CALN1: variants seen among roughly 807,000 people sequenced by gnomAD.
CALN1 encodes calcium-binding protein 8.
CALN1 carries 17 observed loss-of-function variants against 30.6 expected under a neutral mutation model. The observed-to-expected ratio is 0.56, with a 90% CI of 0.38 to 0.83. CALN1 has a LOEUF of 0.83. Among genes scored for constraint, CALN1 ranks in the 40% least tolerant of loss-of-function variants. The probability of loss-of-function intolerance (pLI) is 0.00; values close to 1 mark genes in which losing one functional copy is unlikely to be tolerated. For synonymous variants in CALN1, 156 were observed against 131.4 expected, an observed-to-expected ratio of 1.19 and a Z score of -1.28; for missense variants, 291 against 354.9, an observed-to-expected ratio of 0.82 and a Z score of 1.45.
chr7:72,200,876 T>C (rs1791370710), intron 3 of CALN1, among the ~76,000 whole-genome samples: 1 of 152,188 alleles, frequency 6.6e-6, no homozygotes, highest in Admixed American at 6.5e-5. Flanking sequence ...ACTTGGAGAT[T>C]TCTCAAAGAG....
chr7:72,398,319 G>A (rs185232073), intron 2 of CALN1, among the ~76,000 whole-genome samples: 1 of 152,326 alleles, frequency 6.6e-6, no homozygotes, highest in East Asian at 1.9e-4. Flanking sequence ...GGGAAAACTA[G>A]AGAGAAAAGT....
chr7:71,822,321 T>C (rs1351704358), intron 5 of CALN1, among the ~76,000 whole-genome samples: 2 of 152,178 alleles, frequency 1.3e-5, no homozygotes, highest in Admixed American at 1.3e-4. Flanking sequence ...TGATCTTGGC[T>C]CACTGCAACC....
intron 5 of CALN1, among the ~76,000 whole-genome samples, chr7:71,906,845 G>A (rs915845080): frequency 2.0e-5 from 3 of 152,204 alleles, no homozygotes; most frequent in Non-Finnish European, 4.4e-5. Flanking sequence ...TTTTGCAGTT[G>A]GGTTGCCCAG....
At chr7:71,806,306 C>CTTTTT (rs774646277) in intron 6 of CALN1, among the ~76,000 whole-genome samples, 1 of 136,708 alleles carries the variant, frequency 7.3e-6, no homozygotes, top group African/African-American at 2.8e-5. Flanking sequence ...TTTCCCCCTC[C>CTTTTT]TTTTTTTTTT....
intron 1 of CALN1, among the ~76,000 whole-genome samples, chr7:72,430,861 G>A (rs1159722754): frequency 6.6e-6 from 1 of 151,990 alleles, no homozygotes; most frequent in Non-Finnish European, 1.5e-5. Context: ...AGCAGCCCAA[G>A]GCAACTGCCC....
In CALN1 at chr7:72,280,109, G is replaced by A. The variant is rs572241700; in HGVS notation, c.120-1299C>T. On this transcript the variant is annotated intron_variant, in intron 2 of 6. Coordinates refer to ENST00000395275, the MANE Select transcript of CALN1 (RefSeq NM_031468.4). ...AGCTAAGTGCCAGACATTTCCACCC[G>A]GATGTCAAACCCTCATTTCAAACTC... 2.2e-4 allele frequency among the ~76,000 whole-genome samples: 33 copies of A among 152,230 alleles called. No individual in the cohort carries two copies. In the East Asian group the frequency reaches 5.4e-3, roughly 25 times the overall value.
At chr7:71,814,191 C>G (rs572312232) in intron 5 of CALN1, among the ~76,000 whole-genome samples, 1 of 152,278 alleles carries the variant, frequency 6.6e-6, no homozygotes, top group South Asian at 2.1e-4. Context: ...CAGAACTGCT[C>G]TGAGCCTCTG....
chr7:72,119,291 G>A (rs1411164613), intron 3 of CALN1, among the ~76,000 whole-genome samples: 2 of 151,878 alleles, frequency 1.3e-5, no homozygotes, highest in Non-Finnish European at 2.9e-5. Context: ...TTACATGGTG[G>A]CAGAAAAGAG....
intron 2 of CALN1, among the ~76,000 whole-genome samples, chr7:72,401,519 CAGA>C (rs529879097): frequency 2.8e-4 from 42 of 152,252 alleles, no homozygotes; most frequent in African/African-American, 9.9e-4. Flanking sequence ...TGCAACAAGC[CAGA>C]AGGTGTAGAG....
chr7:72,041,575 C>T (rs1027418121), intron 4 of CALN1, among the ~76,000 whole-genome samples: 2 of 151,800 alleles, frequency 1.3e-5, no homozygotes, highest in African/African-American at 4.8e-5. Context: ...GTAGAGACAG[C>T]GTTTCATCAT....
the CALN1 span, among the ~76,000 whole-genome samples, chr7:72,481,098 G>A: frequency 1.1e-4 from 17 of 152,196 alleles, no homozygotes; most frequent in African/African-American, 3.9e-4. Context: ...AATTACAGGC[G>A]CAGGCCACCA....
intron 3 of CALN1, among the ~76,000 whole-genome samples, chr7:72,214,682 T>C (rs1205964540): frequency 6.6e-6 from 1 of 151,834 alleles, no homozygotes; most frequent in Admixed American, 6.6e-5. Context: ...AGTGACCTAT[T>C]AGGAGCCGAG....
chr7:71,803,177 T>G (rs910152256), intron 6 of CALN1, among the ~76,000 whole-genome samples: 4 of 152,194 alleles, frequency 2.6e-5, no homozygotes, highest in African/African-American at 9.7e-5. Flanking sequence ...TCTAATACTA[T>G]GTAATGCCAG....
intron 2 of CALN1, among the ~76,000 whole-genome samples, chr7:72,399,003 A>G (rs930376737): frequency 1.3e-5 from 2 of 152,168 alleles, no homozygotes; most frequent in African/African-American, 4.8e-5. Flanking sequence ...GCTAGAAAAA[A>G]GGTCAGGGCT....
chr7:72,245,196 T>C (rs947984693), intron 3 of CALN1, among the ~76,000 whole-genome samples: 1 of 152,204 alleles, frequency 6.6e-6, no homozygotes, highest in Non-Finnish European at 1.5e-5. Flanking sequence ...ATGAATCATC[T>C]GTGCAGGCAG....
chr7:71,911,891 T>C (rs1053793343), intron 5 of CALN1, among the ~76,000 whole-genome samples: 1 of 152,146 alleles, frequency 6.6e-6, no homozygotes, highest in Non-Finnish European at 1.5e-5. Context: ...TGAGTTTCCA[T>C]CAGGAGCATG....
At chr7:72,304,058 T>C (rs1392065892) in intron 2 of CALN1, among the ~76,000 whole-genome samples, 1 of 152,136 alleles carries the variant, frequency 6.6e-6, no homozygotes, top group Non-Finnish European at 1.5e-5. Context: ...GAGTCAGTAA[T>C]ACAGAAGACA....
At chr7:71,911,841 G>GT (rs953508814) in intron 5 of CALN1, among the ~76,000 whole-genome samples, 26 of 152,084 alleles carry the variant, frequency 1.7e-4, no homozygotes, top group Admixed American at 7.9e-4. Context: ...AAAAATGGAG[G>GT]TTTTCAGGAT....
chr7:72,468,454 C>G, the CALN1 span, among the ~76,000 whole-genome samples: 1 of 152,320 alleles, frequency 6.6e-6, no homozygotes, highest in South Asian at 2.1e-4. Flanking sequence ...GGCGGGACTA[C>G]AGGCATGTGC....
Sources: allele counts gnomAD v4.1 joint callset (sites outside exome capture counted in the v4.1 genomes callset), GRCh38; gene constraint gnomAD v4.1.1; transcripts MANE v1.5; gene names NCBI Gene and HGNC (gene_info 2026-07-23, HGNC 2026-07-21).